Variants in VPS37C observed in about 807,000 individuals in gnomAD.
The protein encoded by VPS37C is vacuolar protein sorting-associated protein 37C.
VPS37C carries 9 observed loss-of-function variants against 16.1 expected under a neutral mutation model. The ratio of observed to expected loss-of-function variants is 0.56; its 90% CI spans 0.34 to 0.97. VPS37C has a LOEUF of 0.97. Ranked by LOEUF, VPS37C falls within the 50% of genes least tolerant of loss-of-function variation. VPS37C has a pLI of 0.02. For synonymous variants in VPS37C, 207 were observed against 206.4 expected (o/e 1.00, Z -0.02); for missense variants, 479 against 472.7 (o/e 1.01, Z -0.12).
intron 1 of VPS37C, among the ~76,000 whole-genome samples, chr11:61,155,754 A>G (rs1340980533): frequency 3.9e-5 from 6 of 152,226 alleles, no homozygotes; most frequent in African/African-American, 1.4e-4. Context: ...CAGAAGGAAC[A>G]TGAAACAAGA....
intron 2 of VPS37C, among the ~76,000 whole-genome samples, chr11:61,137,566 C>T (rs997257433): frequency 1.3e-5 from 2 of 152,198 alleles, no homozygotes; most frequent in Non-Finnish European, 2.9e-5. Flanking sequence ...GACAAAGGAA[C>T]GCAGGCAGAG....
At position 61,132,228 on chromosome 11, in the gene VPS37C, A is replaced by G. The variant is rs761789503; in HGVS notation, c.660T>C (p.His220=). ...SPSLPVGPTA[H]GALPPAPFPV... is the part of the protein sequence containing the mutation. ...GGAAAGGGGCCGGTGGCAGGGCTCC[A>G]TGGGCAGTGGGGCCCACAGGCAGGC... The change falls in exon 5 of 5, where the codon CAT becomes CAC. Residue 220 remains histidine (H), a synonymous_variant. Coordinates refer to ENST00000301765, the MANE Select transcript of VPS37C (RefSeq NM_017966.5). The G allele has an allele frequency of 7.3e-6, 11 of 1,514,164 alleles. No individual in the cohort carries two copies. The South Asian group carries it at 9.3e-5, about 13-fold the overall frequency. The allele number at this position is 1,514,164 out of a possible 1,614,324, so 93.8% of individuals were successfully genotyped here.
intron 1 of VPS37C, among the ~76,000 whole-genome samples, chr11:61,146,278 G>C (rs1185175891): frequency 5.3e-5 from 8 of 152,372 alleles, no homozygotes; most frequent in Non-Finnish European, 1.0e-4. Context: ...GATAAATGGG[G>C]GCAGCAGGAT....
intron 1 of VPS37C, among the ~76,000 whole-genome samples, chr11:61,142,725 G>A (rs942646369): frequency 9.5e-5 from 14 of 148,040 alleles, no homozygotes; most frequent in African/African-American, 3.5e-4. Flanking sequence ...GCCTGAAAGG[G>A]TCTCTGGAAA....
rs1408913577 is a variant in VPS37C, at chr11:61,130,446, C to CGGGGAG, written c.*1368_*1373dup. Reference sequence around the variant, plus strand: ...AGCGTCACGCGGATGGCACATAGGCCGGGGAGGGGCAGGCACCAGAAGGTC... The same window carrying CGGGGAG: ...AGCGTCACGCGGATGGCACATAGGCCGGGGAGGGGGAGGGGCAGGCACCAGAAGGTC... On this transcript the variant is annotated 3_prime_UTR_variant, in exon 5 of 5. Coordinates refer to ENST00000301765, the MANE Select transcript of VPS37C (RefSeq NM_017966.5). 1 of 182,258 alleles carries CGGGGAG rather than the reference C, an allele frequency of 5.5e-6. No homozygotes were observed. The highest frequency in any genetic ancestry group is 1.1e-5 in the Non-Finnish European group (1 of 87,802). 11.3% of individuals were successfully genotyped at this position (182,258 alleles called of 1,614,324 possible).
At position 61,132,129 on chromosome 11, in the gene VPS37C, C is replaced by A; in HGVS notation, c.759G>T (p.Arg253Ser). ...GGGACCAGGAGTAACCCGCAGCACC[C>A]CTGGGTCCAAGCTGGGCTGCCGGGT... ...PTYPAAQLGP[R>S]GAAGYSWSPQ... Residue 253 changes from arginine to serine, a missense_variant, in exon 5 of 5, where the codon AGG becomes AGT. Transcript: ENST00000301765. The A allele has an allele frequency of 6.9e-7, 1 of 1,441,052 alleles. No homozygotes were observed. The highest frequency in any genetic ancestry group is 9.1e-7 in the Non-Finnish European group (1 of 1,093,380). 89.3% of individuals were successfully genotyped at this position (1,441,052 alleles called of 1,614,324 possible).
chr11:61,134,282 T>A, intron 2 of VPS37C, 75 bp from the exon 3 acceptor site: 1 of 1,511,468 alleles, frequency 6.6e-7, no homozygotes, highest in South Asian at 1.2e-5. Context: ...GGTCAGGGGC[T>A]TCGGGGACAC....
intron 1 of VPS37C, 84 bp from the exon 2 acceptor site, chr11:61,138,919 A>C: frequency 7.6e-7 from 1 of 1,316,654 alleles, no homozygotes; most frequent in Non-Finnish European, 1.1e-6. Flanking sequence ...TTTATCAAAA[A>C]CAAACTGGAG....
intron 1 of VPS37C, among the ~76,000 whole-genome samples, chr11:61,153,885 A>G (rs1853342519): frequency 6.6e-6 from 1 of 152,172 alleles, no homozygotes; most frequent in African/African-American, 2.4e-5. Flanking sequence ...CCAAGGCAAC[A>G]ATCCTTGGAG....
chr11:61,142,975 T>TAAAAAAAAAAAAAAAAAAAAAA, intron 1 of VPS37C, among the ~76,000 whole-genome samples: 2 of 47,586 alleles, frequency 4.2e-5, no homozygotes, highest in African/African-American at 1.5e-4. Flanking sequence ...AAAGAATAGC[T>TAAAAAAAAAAAAAAAAAAAAAA]AAAAAAAAAA....
chr11:61,158,857 C>T (rs540355872), intron 1 of VPS37C, among the ~76,000 whole-genome samples: 1 of 152,206 alleles, frequency 6.6e-6, no homozygotes, highest in Non-Finnish European at 1.5e-5. Context: ...GGAAGGAGCA[C>T]CTACTAAGTA....
At chr11:61,144,379 G>C (rs368472647) in intron 1 of VPS37C, 2 of 152,198 alleles carry the variant, frequency 1.3e-5, no homozygotes, top group African/African-American at 4.8e-5. Context: ...GGGAACTCAG[G>C]GGGAGGCAAC....
intron 1 of VPS37C, among the ~76,000 whole-genome samples, chr11:61,159,722 A>T (rs866911920): frequency 2.3e-5 from 2 of 85,882 alleles, no homozygotes; most frequent in African/African-American, 4.1e-5. Context: ...TCAAAAAAAA[A>T]TAAATAAATA....
rs765259626 is a variant in VPS37C at position 61,132,339 on chromosome 11, G to C, written c.549C>G (p.Pro183=). 4 of 1,601,886 alleles carry C rather than the reference G, an allele frequency of 2.5e-6. No homozygotes were observed. In the South Asian group the frequency reaches 4.5e-5, roughly 18 times the overall value. Residue 183 remains proline, a synonymous_variant, in exon 5 of 5, where the codon CCC becomes CCG. Transcript: ENST00000301765. ...PRPPPPVRPV[P]QGTPPVVEEQ... is the part of the protein sequence containing the mutation. Reference sequence around the variant, plus strand: ...CTTCAACCACAGGGGGTGTTCCCTGGGGGACTGGGCGCACCGGGGGTGGTG... The same window carrying C: ...CTTCAACCACAGGGGGTGTTCCCTGCGGGACTGGGCGCACCGGGGGTGGTG...
Position 61,130,867 on chromosome 11 carries a change from T to G in VPS37C, c.*953A>C. On this transcript the variant is annotated 3_prime_UTR_variant, in exon 5 of 5. Transcript: ENST00000301765. ...GGATGGACACTGGGGGTGGGAGGAT[T>G]ACATCAACAGAGTGAGAAGGGGAGG... is the stretch of plus-strand genomic sequence containing the variant. 2.4e-6 allele frequency: 1 copy of G among 417,238 alleles called. No homozygotes were observed. Among genetic ancestry groups the G allele is most frequent in the Non-Finnish European group, 4.7e-6 (1 of 212,948 alleles). The allele number at this position is 417,238 out of a possible 1,614,324, so 25.8% of individuals were successfully genotyped here. A position where few individuals can be genotyped will look rare whatever the true frequency, so the allele number is the denominator to read the frequency against.
At chr11:61,136,161 ATTTTTTTTTTTT>A (rs34085615) in intron 2 of VPS37C, among the ~76,000 whole-genome samples, 1 of 109,376 alleles carries the variant, frequency 9.1e-6, no homozygotes, top group African/African-American at 3.6e-5. Context: ...TTAATTACAC[ATTTTTTTTTTTT>A]TTTTTTTTTT....
intron 1 of VPS37C, chr11:61,160,983 T>C (rs1259411200): frequency 6.6e-6 from 1 of 152,538 alleles, no homozygotes; most frequent in Non-Finnish European, 1.5e-5. Context: ...GCGTGCCCTC[T>C]GGCAAGTCGG....
At chr11:61,161,342 G>A (rs1375226197) in intron 1 of VPS37C, 49 bp downstream of exon 1, 11 of 152,188 alleles carry the variant, frequency 7.2e-5, no homozygotes, top group Non-Finnish European at 1.6e-4. Flanking sequence ...GTCGTCCTCT[G>A]CCCCGCCCGC....
At chr11:61,152,687 T>C (rs1183796791) in intron 1 of VPS37C, among the ~76,000 whole-genome samples, 3 of 152,282 alleles carry the variant, frequency 2.0e-5, no homozygotes, top group South Asian at 2.1e-4. Context: ...CCCAACTCTT[T>C]CTGTTCTACC....
Sources: allele counts gnomAD v4.1 joint callset (sites outside exome capture counted in the v4.1 genomes callset), GRCh38; gene constraint gnomAD v4.1.1; transcripts MANE v1.5; gene names NCBI Gene and HGNC (gene_info 2026-07-23, HGNC 2026-07-21).